Variants in CCSER1 observed in about 807,000 individuals in gnomAD.
CCSER1 encodes the protein coiled-coil serine rich protein 1, also known as serine-rich coiled-coil domain-containing protein 1.
CCSER1 carries 41 observed loss-of-function variants against 82.0 expected under a neutral mutation model. The ratio of observed to expected loss-of-function variants is 0.50; its 90% CI spans 0.39 to 0.65. CCSER1 has a LOEUF of 0.65. CCSER1 is among the 30% of genes least tolerant of loss of function. CCSER1 has a pLI of 0.00. For synonymous variants in CCSER1, 414 were observed against 383.9 expected, an observed-to-expected ratio of 1.08 and a Z score of -0.92; for missense variants, 1,119 against 1,064.2, an observed-to-expected ratio of 1.05 and a Z score of -0.72.
chr4:91,104,976 G>A, intron 10 of CCSER1, among the ~76,000 whole-genome samples: 1 of 152,104 alleles, frequency 6.6e-6, no homozygotes, highest in Non-Finnish European at 1.5e-5. Flanking sequence ...GGTGAAGTCA[G>A]GGCTTTTAGG....
chr4:90,456,024 G>A (rs1762124921), intron 4 of CCSER1, among the ~76,000 whole-genome samples: 1 of 152,230 alleles, frequency 6.6e-6, no homozygotes, highest in South Asian at 2.1e-4. Flanking sequence ...AAACTGGTGG[G>A]GCAGCCCATC....
intron 10 of CCSER1, among the ~76,000 whole-genome samples, chr4:91,492,331 A>C (rs1032069063): frequency 6.6e-6 from 1 of 152,098 alleles, no homozygotes; most frequent in Non-Finnish European, 1.5e-5. Flanking sequence ...CCCAAAAGGG[A>C]GTTGCTGAAT....
chr4:90,692,373 A>T (rs1224060412), intron 6 of CCSER1, among the ~76,000 whole-genome samples: 1 of 151,920 alleles, frequency 6.6e-6, no homozygotes, highest in African/African-American at 2.4e-5. Context: ...GCTTTAATCC[A>T]AGAGCCCGTT....
At chr4:91,166,389 T>C (rs965164154) in intron 10 of CCSER1, among the ~76,000 whole-genome samples, 2 of 152,210 alleles carry the variant, frequency 1.3e-5, no homozygotes, top group African/African-American at 2.4e-5. Flanking sequence ...ATAGATGTGC[T>C]CTTTCCCATT....
At chr4:91,237,988 C>A (rs1390245549) in intron 10 of CCSER1, among the ~76,000 whole-genome samples, 2 of 152,092 alleles carry the variant, frequency 1.3e-5, no homozygotes, top group African/African-American at 4.8e-5. Flanking sequence ...TGTCAGGAAG[C>A]CTCTGGGGAT....
chr4:91,390,301 T>G (rs1311134602), intron 10 of CCSER1, among the ~76,000 whole-genome samples: 1 of 151,978 alleles, frequency 6.6e-6, no homozygotes, highest in African/African-American at 2.4e-5. Context: ...TTATATAATC[T>G]ATAATGATGT....
chr4:91,173,994 A>C (rs936195021), intron 10 of CCSER1, among the ~76,000 whole-genome samples: 1 of 152,220 alleles, frequency 6.6e-6, no homozygotes, highest in Non-Finnish European at 1.5e-5. Context: ...ACTTTACATA[A>C]GTACACATAT....
chr4:90,567,362 C>T (rs78121280), intron 5 of CCSER1, among the ~76,000 whole-genome samples: 1 of 150,550 alleles, frequency 6.6e-6, no homozygotes, highest in East Asian at 2.0e-4. Context: ...GCCATCTCGG[C>T]TCACTGCAAC....
intron 10 of CCSER1, among the ~76,000 whole-genome samples, chr4:91,464,141 C>A (rs183882776): frequency 1.1e-3 from 170 of 152,342 alleles, no homozygotes; most frequent in Non-Finnish European, 1.8e-3. Flanking sequence ...GCCCATCAAA[C>A]TAACAGCGGA....
Position 91,297,365 on chromosome 4 carries a change from T to TTGTGTGTGTATGTGTGTGTATG in CCSER1, c.2217+211380_2217+211381insATGTGTGTGTATGTGTGTGTGT, listed in dbSNP as rs1744265937. Among the ~76,000 whole-genome samples, 6 of 128,814 alleles carry TTGTGTGTGTATGTGTGTGTATG rather than the reference T, an allele frequency of 4.7e-5. No homozygotes were observed. In the South Asian group the frequency reaches 1.5e-3, roughly 32 times the overall value. 84.5% of individuals were successfully genotyped at this position (128,814 alleles called of 152,430 possible). ...CTGCTCACCTGAGGAGAATGGATGC[T>TTGTGTGTGTATGTGTGTGTATG]TGTGTGTGTGTGTGTGTGTATGTGT... On this transcript the variant is annotated intron_variant, in intron 10 of 10. Transcript: ENST00000509176.
At chr4:90,723,012 GCAAAAT>G (rs1358177171) in intron 6 of CCSER1, among the ~76,000 whole-genome samples, 1 of 151,832 alleles carries the variant, frequency 6.6e-6, no homozygotes, top group Non-Finnish European at 1.5e-5. Flanking sequence ...AATCTTCACT[GCAAAAT>G]TTCTGTGTGT....
chr4:91,112,487 T>A (rs1268370644), intron 10 of CCSER1: 1 of 152,138 alleles, frequency 6.6e-6, no homozygotes, highest in Non-Finnish European at 1.5e-5. Context: ...ATCTTTATTA[T>A]CTTTGTTCTT....
chr4:90,151,928 T>C (rs958774660), intron 1 of CCSER1, among the ~76,000 whole-genome samples: 2 of 152,116 alleles, frequency 1.3e-5, no homozygotes, highest in Admixed American at 1.3e-4. Context: ...ATTAAATAGG[T>C]AGAATATAAA....
chr4:91,288,765 G>T (rs553215655), intron 10 of CCSER1, among the ~76,000 whole-genome samples: 8 of 152,124 alleles, frequency 5.3e-5, no homozygotes, highest in African/African-American at 1.9e-4. Context: ...CTAGGGGAAG[G>T]GAGCAGAAAA....
At chr4:90,734,204 C>A (rs1396504584) in intron 7 of CCSER1, among the ~76,000 whole-genome samples, 1 of 151,984 alleles carries the variant, frequency 6.6e-6, no homozygotes, top group Non-Finnish European at 1.5e-5. Flanking sequence ...CCGGTCACTG[C>A]AAGCTCTGCC....
chr4:90,870,708 G>A lies in CCSER1; in HGVS notation c.2095-52662G>A, dbSNP rs925416049. 2.6e-5 allele frequency among the ~76,000 whole-genome samples: 4 copies of A among 151,156 alleles called. No homozygotes were observed. The South Asian group carries it at 8.3e-4, about 31-fold the overall frequency. On this transcript the variant is annotated intron_variant, in intron 8 of 10. Coordinates refer to ENST00000509176, the MANE Select transcript of CCSER1 (RefSeq NM_001145065.2). ...GTAATACTAGCTTCACTGAATGCATGTAGAAGTACTTCCTCCTCCTCTATT... is the reference window on the plus strand; with the variant it reads ...GTAATACTAGCTTCACTGAATGCATATAGAAGTACTTCCTCCTCCTCTATT...
At chr4:90,852,688 T>A (rs1561250038) in intron 8 of CCSER1, among the ~76,000 whole-genome samples, 1 of 152,168 alleles carries the variant, frequency 6.6e-6, no homozygotes, top group Admixed American at 6.5e-5. Flanking sequence ...TTTTTTGTTG[T>A]TGTTGTTTTT....
intron 10 of CCSER1, among the ~76,000 whole-genome samples, chr4:91,249,692 A>G (rs1740100843): frequency 6.6e-6 from 1 of 152,038 alleles, no homozygotes; most frequent in South Asian, 2.1e-4. Context: ...TGAGTCCTAA[A>G]GTTTGTTTAT....
intron 10 of CCSER1, among the ~76,000 whole-genome samples, chr4:91,467,594 T>C (rs1321158828): frequency 4.6e-5 from 7 of 152,044 alleles, no homozygotes; most frequent in African/African-American, 1.7e-4. Flanking sequence ...ATTTTTGCAA[T>C]CTACTCATCT....
Sources: allele counts gnomAD v4.1 joint callset (sites outside exome capture counted in the v4.1 genomes callset), GRCh38; gene constraint gnomAD v4.1.1; transcripts MANE v1.5; gene names NCBI Gene and HGNC (gene_info 2026-07-23, HGNC 2026-07-21).